The following MUC5B variants were observed in gnomAD, a reference collection of about 807,000 sequenced individuals.
MUC5B encodes the protein mucin-5B.
In MUC5B, 116 loss-of-function variants were observed where a neutral mutation model predicts 376.9. The observed-to-expected ratio is 0.31, with a 90% CI of 0.26 to 0.36. The LOEUF is 0.36. Among genes scored for constraint, MUC5B ranks in the 10% least tolerant of loss-of-function variants. The pLI is 1.00. For missense variants in MUC5B, 7,165 were observed against 7,769.9 expected, an observed-to-expected ratio of 0.92 and a Z score of 2.93; for synonymous variants, 3,517 against 3,390.9, an observed-to-expected ratio of 1.04 and a Z score of -1.29.
At chr11:1,259,403 C>T (rs1301519833) in intron 44 of MUC5B, 3 of 488,318 alleles carry the variant, frequency 6.1e-6, no homozygotes, top group African/African-American at 1.9e-5. Context: ...TATCCTGGCT[C>T]CCTGGGGTTC....
Position 1,247,361 on chromosome 11 carries a change from C to A in MUC5B, c.10481C>A (p.Thr3494Asn). The change falls in exon 31 of 49, where the codon ACC becomes AAC. Residue 3494 changes from threonine (T) to asparagine (N), a missense_variant. By Grantham distance (65) the Thr-to-Asn change is moderately conservative. Around this residue, in one of 31 missense-constraint regions of MUC5B, gnomAD observed 939 missense variants for 770.6 expected, o/e 1.22. Coordinates refer to ENST00000529681, the MANE Select transcript of MUC5B (RefSeq NM_002458.3). Reference protein sequence around the residue: ...ITEPSTVTSHTPAATTSTTQH... With the variant: ...ITEPSTVTSHNPAATTSTTQH... ...GAGCCTTCCACGGTGACTTCCCACACCCCAGCAGCAACCACCAGTACCACC... is the reference window on the plus strand; with the variant it reads ...GAGCCTTCCACGGTGACTTCCCACAACCCAGCAGCAACCACCAGTACCACC... 1 of 1,611,032 alleles carries A rather than the reference C, an allele frequency of 6.2e-7. No homozygotes were observed. The highest frequency in any genetic ancestry group is 8.5e-7 in the Non-Finnish European group (1 of 1,179,416).
chr11:1,254,394 A>T, intron 34 of MUC5B, 43 bp downstream of exon 34: 5 of 1,588,462 alleles, frequency 3.1e-6, no homozygotes, highest in Non-Finnish European at 4.3e-6. Flanking sequence ...CCCAGTCCCA[A>T]CCGCACCTGG....
At chr11:1,228,860 A>T (rs1197832792) in intron 8 of MUC5B, 95 bp downstream of exon 8, 1 of 983,092 alleles carries the variant, frequency 1.0e-6, no homozygotes, top group Non-Finnish European at 1.4e-6. Flanking sequence ...GGCCTGGGGG[A>T]CAGGGGTGGA....
chr11:1,253,874 C>G lies in MUC5B; in HGVS notation c.15218-218C>G, dbSNP rs1382053025. ...ATCCCATCTGCAAAGACACTTTCTC[C>G]CGGCAAAGCCACATGCGGAGGTTCT... On this transcript the variant is annotated intron_variant, in intron 33 of 48. Transcript: ENST00000529681. This position sits in a 1 kb window ranked among gnomAD's most constrained non-coding sequence, Gnocchi z 4.3. Among the ~76,000 whole-genome samples, 1 of 152,236 alleles carries G rather than the reference C, an allele frequency of 6.6e-6. No homozygotes were observed. The highest frequency in any genetic ancestry group is 1.5e-5 in the Non-Finnish European group (1 of 68,028).
intron 1 of MUC5B, among the ~76,000 whole-genome samples, chr11:1,223,611 C>G (rs948099731): frequency 6.6e-6 from 1 of 152,194 alleles, no homozygotes; most frequent in Non-Finnish European, 1.5e-5. Context: ...CCGGCTCTAC[C>G]CTTCACGACC....
chr11:1,254,610 G>A, intron 34 of MUC5B, 84 bp from the exon 35 acceptor site: 1 of 1,393,714 alleles, frequency 7.2e-7, no homozygotes. Context: ...TCTGCACATG[G>A]AGGCAGAGCC....
In MUC5B at chr11:1,251,194, A is replaced by G. The variant is rs1385468729; in HGVS notation, c.14314A>G (p.Met4772Val). 6.2e-7 allele frequency: 1 copy of G among 1,610,600 alleles called. No homozygotes were observed. Among genetic ancestry groups the G allele is most frequent in the Non-Finnish European group, 8.5e-7 (1 of 1,178,054 alleles). Reference protein sequence around the residue: ...WTVPAQTTTPMSTMSTIHTSS... With the variant: ...WTVPAQTTTPVSTMSTIHTSS... ...CGTCCCAGCACAGACCACCACACCC[A>G]TGTCCACCATGTCCACAATCCACAC... The change falls in exon 31 of 49, where the codon ATG becomes GTG. Residue 4772 changes from methionine (M) to valine (V), a missense_variant. Around this residue, in one of 31 missense-constraint regions of MUC5B, gnomAD observed 730 missense variants for 592.7 expected, o/e 1.23. Coordinates refer to ENST00000529681, the MANE Select transcript of MUC5B (RefSeq NM_002458.3).
At chr11:1,227,481 C>T (rs1000863338) in intron 6 of MUC5B, 83 bp downstream of exon 6, 15 of 1,121,140 alleles carry the variant, frequency 1.3e-5, no homozygotes, top group South Asian at 4.0e-5. Context: ...CGGGAGGGGG[C>T]GGAGTGGGGA....
Position 1,229,245 on chromosome 11 carries a change from G to A in MUC5B, c.1052G>A (p.Arg351His), listed in dbSNP as rs373277856. 1.6e-5 allele frequency: 25 copies of A among 1,594,424 alleles called. No individual in the cohort carries two copies. Among genetic ancestry groups the A allele is most frequent in the African/African-American group, 9.4e-5 (7 of 74,438 alleles). The stretch of plus-strand genomic sequence containing the variant: ...ACGGACACCTGCTCCAACCCCCAGC[G>A]CGCGCAGCTCTGCGAGGACCACTGT... The part of the protein sequence containing the change: ...PCTDTCSNPQ[R>H]AQLCEDHCVD... The change falls in exon 9 of 49, where the codon CGC (arginine) becomes CAC (histidine). Residue 351 changes from arginine to histidine, a missense_variant. Arg to His is a conservative substitution (Grantham distance 29). This residue lies in a region of MUC5B where 640 missense variants were observed against 733.0 expected (regional missense o/e 0.87). Coordinates refer to ENST00000529681, the MANE Select transcript of MUC5B (RefSeq NM_002458.3).
rs56069229 is a variant in MUC5B, at chr11:1,229,679, G to T, written c.1103-11G>T. On this transcript the variant is annotated splice_polypyrimidine_tract_variant and intron_variant, in intron 9 of 48. Transcript: ENST00000529681. ...GCATGGGCCGGCCCTGCCTCACGCC[G>T]CGCCCCACAGGCACGGTGCTGGATG... 1.9e-6 allele frequency: 3 copies of T among 1,552,384 alleles called. No homozygotes were observed. The highest frequency in any genetic ancestry group is 3.8e-5 in the Admixed American group (2 of 52,946).
intron 47 of MUC5B, 30 bp downstream of exon 47, chr11:1,260,423 C>T: frequency 6.2e-7 from 1 of 1,611,568 alleles, no homozygotes; most frequent in South Asian, 1.1e-5. Flanking sequence ...CCACACCAGC[C>T]CTCCAGCTCC....
intron 25 of MUC5B, among the ~76,000 whole-genome samples, chr11:1,238,615 G>A (rs1203115824): frequency 6.6e-6 from 1 of 152,102 alleles, no homozygotes; most frequent in Non-Finnish European, 1.5e-5. Context: ...CAGGTGCATA[G>A]GTGGGCAGAT....
At chr11:1,227,169 GC>G (rs771873933) in intron 5 of MUC5B, 24 bp downstream of exon 5, 1 of 1,598,386 alleles carries the variant, frequency 6.3e-7, no homozygotes, top group Non-Finnish European at 8.6e-7. Context: ...CTCGCCCCTT[GC>G]CCCTTCAGGC....
In MUC5B at chr11:1,260,410, T is replaced by C. The variant is rs900991386; in HGVS notation, c.16966+17T>C. The C allele has an allele frequency of 9.3e-6, 15 of 1,612,286 alleles. No homozygotes were observed. The highest frequency in any genetic ancestry group is 1.1e-5 in the Non-Finnish European group (13 of 1,179,576). On this transcript the variant is annotated intron_variant, in intron 47 of 48. Transcript: ENST00000529681. ...GTGAGGAGGGTAAGTGGAAGCCACC[T>C]TCCCACACCAGCCCTCCAGCTCCAG...
Position 1,258,883 on chromosome 11 carries a change from G to A in MUC5B, c.16594-59G>A. ...TGCAGGCCCCATTGGGTCATGGGGA[G>A]GGGTCCTGGCCCTGTTGCCCCACCA... On this transcript the variant is annotated intron_variant, in intron 43 of 48. Transcript: ENST00000529681. The surrounding 1 kb of genome is among the most constrained non-coding windows in gnomAD (Gnocchi z 5.5). 6.5e-7 allele frequency: 1 copy of A among 1,543,998 alleles called. No individual in the cohort carries two copies. Among genetic ancestry groups the A allele is most frequent in the Non-Finnish European group, 8.7e-7 (1 of 1,143,962 alleles).
rs573450379 is a variant in MUC5B at position 1,230,553 on chromosome 11, G to C, written c.1423G>C (p.Glu475Gln). 1 of 1,611,854 alleles carries C rather than the reference G, an allele frequency of 6.2e-7. No individual in the cohort carries two copies. Among genetic ancestry groups the C allele is most frequent in the Non-Finnish European group, 8.5e-7 (1 of 1,179,326 alleles). ...GCGGAAGTGCGGCCTGACGGACAAC[G>C]AGAACTGCCTGAAAGCGGTGACGCT... ...ELRKCGLTDN[E>Q]NCLKAVTLSL... Residue 475 changes from glutamate to glutamine, a missense_variant, in exon 12 of 49, where the codon GAG becomes CAG. This residue lies in a region of MUC5B where 640 missense variants were observed against 733.0 expected (regional missense o/e 0.87). Transcript: ENST00000529681.
At chr11:1,229,969 C>A in intron 10 of MUC5B, 36 bp from the exon 11 acceptor site, 1 of 1,566,718 alleles carries the variant, frequency 6.4e-7, no homozygotes, top group South Asian at 1.2e-5. Context: ...CACCTCCTCC[C>A]GACATGCCGG....
intron 46 of MUC5B, 129 bp downstream of exon 46, chr11:1,260,214 A>AGCCCCACCCCTGCCTGGGAG (rs1862960684): frequency 1.5e-6 from 2 of 1,333,506 alleles, no homozygotes; most frequent in Non-Finnish European, 2.1e-6. Flanking sequence ...CTGCCTGGGA[A>AGCCCCACCCCTGCCTGGGAG]GCCCCACCCC....
In MUC5B at chr11:1,244,243, C is replaced by T. The variant is rs776344223; in HGVS notation, c.7363C>T (p.Pro2455Ser). 28 of 1,611,046 alleles carry T rather than the reference C, an allele frequency of 1.7e-5. No individual in the cohort carries two copies. The Middle Eastern group carries it at 5.0e-4, about 29-fold the overall frequency. The change falls in exon 31 of 49, where the codon CCG (proline) becomes TCG (serine). Residue 2455 changes from proline (P) to serine (S), a missense_variant. Transcript: ENST00000529681. ...TGAGTCCACTGGATCCACGGCCACC[C>T]CGTCCTCCACCCCAGGGACCACCTG... Reference protein sequence around the residue: ...TTESTGSTATPSSTPGTTWIL... With the variant: ...TTESTGSTATSSSTPGTTWIL...
Sources: gnomAD v4.1 joint callset for allele counts (sites outside exome capture counted in the v4.1 genomes callset) on GRCh38, gnomAD v4.1.1 for gene constraint, gnomAD v4.1.1 regional missense constraint, Gnocchi (gnomAD v3.1) non-coding constraint, MANE v1.5 for transcripts, NCBI Gene and HGNC (gene_info 2026-07-23, HGNC 2026-07-21) for gene names.